Variants in AFAP1 observed in about 807,000 individuals in gnomAD.
AFAP1 encodes the protein actin filament associated protein 1.
Under a neutral mutation model 93.9 loss-of-function variants are expected in AFAP1, and 75 were observed. The observed-to-expected ratio is 0.80, with a 90% confidence interval of 0.66 to 0.97. The LOEUF is 0.97. Among genes scored for constraint, AFAP1 ranks in the 50% least tolerant of loss-of-function variants. The pLI, the probability that AFAP1 is intolerant of heterozygous loss-of-function variation, is 0.00. For synonymous variants in AFAP1, 517 were observed against 430.7 expected (o/e 1.20, Z -2.48); for missense variants, 1,201 against 1,050.8 (o/e 1.14, Z -1.98).
intron 16 of AFAP1, among the ~76,000 whole-genome samples, chr4:7,769,688 G>A (rs75880427): frequency 0.021 from 3,270 of 152,246 alleles, 118 homozygotes; most frequent in African/African-American, 0.073. Flanking sequence ...TCTCTCAAAT[G>A]AAGTCTCCAA....
In AFAP1 at chr4:7,816,214, A is replaced by C. The variant is rs576218230; in HGVS notation, c.823-115T>G. The C allele has an allele frequency of 5.9e-6, 5 of 850,788 alleles. No homozygotes were observed. The East Asian group carries it at 1.3e-4, about 22-fold the overall frequency. The allele number at this position is 850,788 out of a possible 1,614,324, so 52.7% of individuals were successfully genotyped here. A position where few individuals can be genotyped will look rare whatever the true frequency, so the allele number is the denominator to read the frequency against. ...GAAAGAAAACACAGGCCAAATTCATAGCAATCCAGAAGTGGTTAGAGCTTA... is the reference window on the plus strand; with the variant it reads ...GAAAGAAAACACAGGCCAAATTCATCGCAATCCAGAAGTGGTTAGAGCTTA... On this transcript the variant is annotated intron_variant, in intron 7 of 17. Transcript: ENST00000420658.
chr4:7,768,190 C>A (rs559035522), intron 17 of AFAP1, among the ~76,000 whole-genome samples: 2 of 152,378 alleles, frequency 1.3e-5, no homozygotes, highest in South Asian at 4.1e-4. Context: ...CTCCCCAGCT[C>A]ACACCATCGC....
At chr4:7,805,037 A>G (rs374521315) in intron 9 of AFAP1, among the ~76,000 whole-genome samples, 5 of 152,140 alleles carry the variant, frequency 3.3e-5, no homozygotes, top group East Asian at 3.9e-4. Context: ...TCCTGGACTA[A>G]GAATGCCTTC....
At chr4:7,849,263 G>A (rs1409854546) in intron 4 of AFAP1, among the ~76,000 whole-genome samples, 2 of 152,066 alleles carry the variant, frequency 1.3e-5, no homozygotes, top group Non-Finnish European at 2.9e-5. Flanking sequence ...CAGAAAACAC[G>A]GCTCCTCTAG....
chr4:7,838,693 C>A lies in AFAP1; in HGVS notation c.557G>T (p.Ser186Ile). The A allele has an allele frequency of 6.2e-7, 1 of 1,613,982 alleles. No homozygotes were observed. The highest frequency in any genetic ancestry group is 8.5e-7 in the Non-Finnish European group (1 of 1,179,974). Residue 186 changes from serine to isoleucine, a missense_variant, in exon 6 of 18, where the codon AGT becomes ATT. By Grantham distance (142) the Ser-to-Ile change is moderately radical. Transcript: ENST00000420658. The stretch of plus-strand genomic sequence containing the variant: ...CATCTGAGGCTGCTGGTCCTTGGAA[C>A]TTTTATAGCACTGCATTCAACACAA... ...IKDTKLLCYK[S>I]SKDQQPQMEL...
chr4:7,910,247 G>A (rs1719651920), intron 1 of AFAP1, among the ~76,000 whole-genome samples: 3 of 152,084 alleles, frequency 2.0e-5, no homozygotes. Flanking sequence ...ACAGGGAAAA[G>A]CAGTGCAATA....
chr4:7,922,321 AC>A (rs1378096757), intron 1 of AFAP1, among the ~76,000 whole-genome samples: 2 of 152,254 alleles, frequency 1.3e-5, no homozygotes, highest in Non-Finnish European at 2.9e-5. Flanking sequence ...TAATTAAAGG[AC>A]AAAAAACATT....
chr4:7,867,164 G>A (rs1716518340), intron 3 of AFAP1, among the ~76,000 whole-genome samples: 1 of 149,540 alleles, frequency 6.7e-6, no homozygotes, highest in Non-Finnish European at 1.5e-5. Context: ...ACAGAGAAGG[G>A]CAGCATCAAA....
At chr4:7,811,294 G>A (rs1382136884) in intron 8 of AFAP1, among the ~76,000 whole-genome samples, 3 of 152,156 alleles carry the variant, frequency 2.0e-5, no homozygotes, top group Non-Finnish European at 4.4e-5. Context: ...GGTGATGAGA[G>A]TCAAGGACTC....
intron 17 of AFAP1, among the ~76,000 whole-genome samples, chr4:7,764,179 G>A (rs1321725988): frequency 6.6e-6 from 1 of 152,240 alleles, no homozygotes; most frequent in Non-Finnish European, 1.5e-5. Flanking sequence ...ATCAGAAACA[G>A]GCCGATGACA....
intron 17 of AFAP1, among the ~76,000 whole-genome samples, chr4:7,765,349 T>C (rs1277544427): frequency 6.6e-6 from 1 of 152,202 alleles, no homozygotes; most frequent in Non-Finnish European, 1.5e-5. Context: ...GCTTCAGTGA[T>C]TCCCCACCAC....
At chr4:7,872,809 T>A (rs1717160269) in intron 1 of AFAP1, among the ~76,000 whole-genome samples, 1 of 152,026 alleles carries the variant, frequency 6.6e-6, no homozygotes, top group African/African-American at 2.4e-5. Flanking sequence ...TTTTTCTGCA[T>A]TAATGGTGTA....
intron 1 of AFAP1, among the ~76,000 whole-genome samples, chr4:7,877,117 G>GT (rs1010468199): frequency 5.9e-5 from 9 of 152,204 alleles, no homozygotes; most frequent in Non-Finnish European, 1.0e-4. Flanking sequence ...TTTTTGTGGG[G>GT]TTTTTTTCCC....
At chr4:7,850,724 TC>T (rs756361675) in intron 4 of AFAP1, among the ~76,000 whole-genome samples, 1 of 152,158 alleles carries the variant, frequency 6.6e-6, no homozygotes, top group Non-Finnish European at 1.5e-5. Context: ...TGGGCTCAGG[TC>T]CCCCAGCTGC....
chr4:7,768,931 C>G lies in AFAP1; in HGVS notation c.2331G>C (p.Val777=). Residue 777 remains valine, a synonymous_variant, in exon 17 of 18, where the codon GTG becomes GTC. Coordinates refer to ENST00000420658, the MANE Select transcript of AFAP1 (RefSeq NM_001134647.2). ...SCDTSDTEGP[V]PVNSAAVLKK... ...TCAAGACGGCCGCGCTGTTCACCGGCACGGGGCCCTCGGTGTCACTGGTGT... is the reference window on the plus strand; with the variant it reads ...TCAAGACGGCCGCGCTGTTCACCGGGACGGGGCCCTCGGTGTCACTGGTGT... The G allele has an allele frequency of 6.2e-7, 1 of 1,613,860 alleles. No individual in the cohort carries two copies. The highest frequency in any genetic ancestry group is 8.5e-7 in the Non-Finnish European group (1 of 1,179,874).
chr4:7,824,856 GGT>G (rs1721290969), intron 6 of AFAP1, among the ~76,000 whole-genome samples: 1 of 152,040 alleles, frequency 6.6e-6, no homozygotes, highest in African/African-American at 2.4e-5. Context: ...ACATTATTTG[GGT>G]GATGGATACC....
chr4:7,775,087 G>C, intron 14 of AFAP1, 184 bp from the exon 15 acceptor site: 1 of 655,314 alleles, frequency 1.5e-6, no homozygotes, highest in East Asian at 2.9e-5. Context: ...GCTGCAGTGA[G>C]CTGTGATCCT....
chr4:7,913,847 T>C (rs1298077507), intron 1 of AFAP1, among the ~76,000 whole-genome samples: 5 of 152,222 alleles, frequency 3.3e-5, no homozygotes, highest in African/African-American at 1.2e-4. Context: ...AAAAGCTAGC[T>C]GCTTCATAGC....
At chr4:7,916,612 G>T (rs1720098081) in intron 1 of AFAP1, among the ~76,000 whole-genome samples, 1 of 149,786 alleles carries the variant, frequency 6.7e-6, no homozygotes, top group Non-Finnish European at 1.5e-5. Flanking sequence ...TCCCCCTCCT[G>T]CAGGAGTGGG....
Sources: gnomAD v4.1 joint callset for allele counts (sites outside exome capture counted in the v4.1 genomes callset) on GRCh38, gnomAD v4.1.1 for gene constraint, MANE v1.5 for transcripts, NCBI Gene and HGNC (gene_info 2026-07-23, HGNC 2026-07-21) for gene names.